The following GPR179 variants were observed in gnomAD, a reference collection of about 807,000 sequenced individuals.
The protein encoded by GPR179 is probable G protein-coupled receptor 179.
A neutral mutation model predicts 70.8 loss-of-function variants in GPR179; 52 were observed. That is an observed-to-expected ratio of 0.73 (90% CI 0.59 to 0.93). GPR179 has a LOEUF of 0.93. GPR179 is among the 40% of genes least tolerant of loss of function. The pLI, the probability that GPR179 is intolerant of heterozygous loss-of-function variation, is 0.00. For missense variants in GPR179, 2,734 were observed against 2,966.8 expected, an observed-to-expected ratio of 0.92 and a Z score of 1.82; for synonymous variants, 1,123 against 1,169.0, an observed-to-expected ratio of 0.96 and a Z score of 0.80.
intron 1 of GPR179, among the ~76,000 whole-genome samples, chr17:38,341,696 C>A (rs371207360): frequency 1.3e-5 from 2 of 152,306 alleles, no homozygotes; most frequent in South Asian, 4.1e-4. Context: ...AGGTAGTTTA[C>A]TGGAGGAGAA....
At chr17:38,335,925 C>A in intron 5 of GPR179, 151 bp downstream of exon 5, 1 of 737,026 alleles carries the variant, frequency 1.4e-6, no homozygotes, top group South Asian at 1.5e-5. Flanking sequence ...AGCTCATAGA[C>A]CAGCTTGCCA....
Position 38,339,530 on chromosome 17 carries a change from G to A in GPR179, c.795-5C>T, listed in dbSNP as rs762263657. On this transcript the variant is annotated splice_region_variant and splice_polypyrimidine_tract_variant and intron_variant, in intron 1 of 10. Coordinates refer to ENST00000616987, the MANE Select transcript of GPR179 (RefSeq NM_001004334.4). ...ACGTCCATCTGCACCTGCCCCCTAC[G>A]GCAGTGAATTGGCAATTAGGGGCAC... is the stretch of plus-strand genomic sequence containing the variant. 6.0e-5 allele frequency: 96 copies of A among 1,608,728 alleles called. No homozygotes were observed. In the South Asian group the frequency reaches 8.8e-4, roughly 15 times the overall value.
At position 38,328,300 on chromosome 17, in the gene GPR179, CTG is replaced by C. The variant is rs1567722514; in HGVS notation, c.5267_5268del (p.Pro1756ArgfsTer26). On this transcript the variant is annotated frameshift_variant, in exon 11 of 11. Coordinates refer to ENST00000616987, the MANE Select transcript of GPR179 (RefSeq NM_001004334.4). LOFTEE classifies it low-confidence loss of function (END_TRUNC). ...CCCCAGGGACAAGCCACCTCCCACTCTGGGGTTGGCTTCTGTGGCTTCTCTGG... is the reference window on the plus strand; with the variant it reads ...CCCCAGGGACAAGCCACCTCCCACTCGGGTTGGCTTCTGTGGCTTCTCTGG... ...TAPEKPQKPTPEWEVACPWGS... is the reference protein window; with the variant it reads ...TAPEKPQKPTXEWEVACPWGS... 1.2e-6 allele frequency: 2 copies of C among 1,614,060 alleles called. No individual in the cohort carries two copies. Among genetic ancestry groups the C allele is most frequent in the Admixed American group, 3.3e-5 (2 of 60,022 alleles).
Position 38,330,585 on chromosome 17 carries a change from CA to C in GPR179, c.2983del (p.Trp995GlyfsTer43). ...SPNLLTYICP[W>X]ENAELPAKQE... The stretch of plus-strand genomic sequence containing the variant: ...CTTGGCTGGCAGTTCTGCGTTCTCC[CA>C]GGGGCAGATGTAGGTGAGTAAGTTG... On this transcript the variant is annotated frameshift_variant, in exon 11 of 11. Transcript: ENST00000616987. LOFTEE classifies it low-confidence loss of function (END_TRUNC). The C allele has an allele frequency of 6.3e-7, 1 of 1,581,214 alleles. No homozygotes were observed. The highest frequency in any genetic ancestry group is 8.6e-7 in the Non-Finnish European group (1 of 1,165,306).
In GPR179 at chr17:38,327,510, G is replaced by C. The variant is rs1310806138; in HGVS notation, c.6059C>G (p.Pro2020Arg). The change falls in exon 11 of 11, where the codon CCC becomes CGC. Residue 2020 changes from proline (P) to arginine (R), a missense_variant. Physicochemically the swap from Pro to Arg is moderately radical, Grantham distance 103 (BLOSUM62 -2). Transcript: ENST00000616987. ...SDSSAKAETC[P>R]WEVTERIPVK... ...AGGGATTCTTTCAGTCACTTCCCAG[G>C]GACAGGTCTCAGCCTTGGCACTGCT... The C allele has an allele frequency of 6.2e-7, 1 of 1,614,158 alleles. No homozygotes were observed. The highest frequency in any genetic ancestry group is 8.5e-7 in the Non-Finnish European group (1 of 1,180,032).
In GPR179 at chr17:38,336,160, A is replaced by C; in HGVS notation, c.1228-16T>G. The C allele has an allele frequency of 6.3e-7, 1 of 1,587,012 alleles. No individual in the cohort carries two copies. Among genetic ancestry groups the C allele is most frequent in the Non-Finnish European group, 8.7e-7 (1 of 1,155,240 alleles). The stretch of plus-strand genomic sequence containing the variant: ...CCCAGATCCTCTGTGAAGCAAGGAG[A>C]GAGGCATGTGAGCAGAGTCTGGACG... On this transcript the variant is annotated splice_polypyrimidine_tract_variant and intron_variant, in intron 4 of 10. Coordinates refer to ENST00000616987, the MANE Select transcript of GPR179 (RefSeq NM_001004334.4).
chr17:38,343,584 T>C lies in GPR179; in HGVS notation c.206A>G (p.Gln69Arg). 1 of 1,613,832 alleles carries C rather than the reference T, an allele frequency of 6.2e-7. No individual in the cohort carries two copies. Among genetic ancestry groups the C allele is most frequent in the Non-Finnish European group, 8.5e-7 (1 of 1,180,008 alleles). The stretch of plus-strand genomic sequence containing the variant: ...ACTGCAATTCACCTGTGATAGCTGC[T>C]GGGCATCTCCAGAGTAGAGATAAGC... ...ALAYLYSGDA[Q>R]QLSQVNCSER... is the part of the protein sequence containing the mutation. Residue 69 changes from glutamine to arginine, a missense_variant, in exon 1 of 11, where the codon CAG (glutamine) becomes CGG (arginine). Coordinates refer to ENST00000616987, the MANE Select transcript of GPR179 (RefSeq NM_001004334.4). The surrounding 1 kb of genome is among the most constrained non-coding windows in gnomAD (Gnocchi z 4.2).
chr17:38,335,199 G>A lies in GPR179; in HGVS notation c.1479C>T (p.His493=), dbSNP rs1279209089. 6.4e-7 allele frequency: 1 copy of A among 1,562,824 alleles called. No individual in the cohort carries two copies. The highest frequency in any genetic ancestry group is 1.9e-5 in the Admixed American group (1 of 51,880). Residue 493 remains histidine (H), a synonymous_variant, in exon 7 of 11, where the codon CAC becomes CAT. Coordinates refer to ENST00000616987, the MANE Select transcript of GPR179 (RefSeq NM_001004334.4). ...ALLSSGRLLR[H]LGLLLLPVLG... ...GCACAGGTAGCAGGAGCAGCCCCAG[G>A]TGCCGCAGCAGCCGCCCGCTGCTCA...
chr17:38,329,811 G>A lies in GPR179; in HGVS notation c.3758C>T (p.Thr1253Met), dbSNP rs781377071. 29 of 1,614,010 alleles carry A rather than the reference G, an allele frequency of 1.8e-5. No individual in the cohort carries two copies. The Admixed American group carries it at 1.8e-4, about 10-fold the overall frequency. ...VCPWEVTESE[T>M]RQPDSGNKAE... ...CTTGTTGCCACTGTCTGGCTGACGC[G>A]TTTCTGATTCAGTGACCTCCCAGGG... Residue 1253 changes from threonine to methionine, a missense_variant, in exon 11 of 11, where the codon ACG becomes ATG. Physicochemically the swap from Thr to Met is moderately conservative, Grantham distance 81. Coordinates refer to ENST00000616987, the MANE Select transcript of GPR179 (RefSeq NM_001004334.4).
rs768094184 is a variant in GPR179, at chr17:38,327,868, C to T, written c.5701G>A (p.Glu1901Lys). 2.5e-6 allele frequency: 4 copies of T among 1,614,228 alleles called. No individual in the cohort carries two copies. In the South Asian group the frequency reaches 4.4e-5, roughly 18 times the overall value. The change falls in exon 11 of 11, where the codon GAA becomes AAA. Residue 1901 changes from glutamate to lysine, a missense_variant. Coordinates refer to ENST00000616987, the MANE Select transcript of GPR179 (RefSeq NM_001004334.4). ...TCCAAGGAATGTCCCTCTGCCACTTCACTACTCATGCTGCTGGGCAAGTCT... is the reference window on the plus strand; with the variant it reads ...TCCAAGGAATGTCCCTCTGCCACTTTACTACTCATGCTGCTGGGCAAGTCT... The part of the protein sequence containing the change: ...ISDLPSSMSS[E>K]VAEGHSLEAT...
Position 38,331,194 on chromosome 17 carries a change from C to T in GPR179, c.2375G>A (p.Arg792Lys), listed in dbSNP as rs781327281. Reference protein sequence around the residue: ...DPPLLDSLLRRKLAKKASRTE... With the variant: ...DPPLLDSLLRKKLAKKASRTE... Reference sequence around the variant, plus strand: ...TCGAGAGGCCTTCTTGGCCAGCTTCCTCCTCAGCAGTGAGTCAAGAAGAGG... The same window carrying T: ...TCGAGAGGCCTTCTTGGCCAGCTTCTTCCTCAGCAGTGAGTCAAGAAGAGG... The change falls in exon 11 of 11, where the codon AGG becomes AAG. Residue 792 changes from arginine (R) to lysine (K), a missense_variant. By Grantham distance (26) the Arg-to-Lys change is conservative (BLOSUM62 2). Coordinates refer to ENST00000616987, the MANE Select transcript of GPR179 (RefSeq NM_001004334.4). 3.7e-6 allele frequency: 6 copies of T among 1,608,180 alleles called. No homozygotes were observed. Among genetic ancestry groups the T allele is most frequent in the Non-Finnish European group, 5.1e-6 (6 of 1,178,644 alleles).
rs371888538 is a variant in GPR179 at position 38,336,139 on chromosome 17, G to A, written c.1233C>T (p.Ile411=). Residue 411 remains isoleucine (I), a synonymous_variant, in exon 5 of 11, where the codon ATC becomes ATT. Coordinates refer to ENST00000616987, the MANE Select transcript of GPR179 (RefSeq NM_001004334.4). The part of the protein sequence containing the change: ...VSYRCRRNKR[I]WASGVVLLET... ...CCAGCAGGACCACTCCAGATGCCCA[G>A]ATCCTCTGTGAAGCAAGGAGAGAGG... is the stretch of plus-strand genomic sequence containing the variant. The A allele has an allele frequency of 3.3e-5, 53 of 1,609,566 alleles. No individual in the cohort carries two copies. The highest frequency in any genetic ancestry group is 6.0e-6 in the Non-Finnish European group (7 of 1,175,894).
At chr17:38,333,137 C>T in intron 10 of GPR179, 114 bp downstream of exon 10, 1 of 918,136 alleles carries the variant, frequency 1.1e-6, no homozygotes, top group Non-Finnish European at 1.7e-6. Flanking sequence ...GAGGGCAGGT[C>T]TTGGAGGGAA....
At chr17:38,331,926 T>C (rs115339278) in intron 10 of GPR179, among the ~76,000 whole-genome samples, 1,588 of 152,276 alleles carry the variant, frequency 0.01, 22 homozygotes, top group African/African-American at 0.036. Flanking sequence ...AAGAGCATTA[T>C]ATGAGATTGA....
Position 38,329,658 on chromosome 17 carries a change from G to A in GPR179, c.3911C>T (p.Pro1304Leu), listed in dbSNP as rs751212036. The change falls in exon 11 of 11, where the codon CCC becomes CTC. Residue 1304 changes from proline to leucine, a missense_variant. Physicochemically the swap from Pro to Leu is moderately conservative, Grantham distance 98. Transcript: ENST00000616987. ...RGKSEPIDVV[P>L]MMRKKPERLV... ...CCTCTCTGGCTTTTTCCGCATCATG[G>A]GAACCACATCTATGGGCTCTGATTT... 28 of 1,614,162 alleles carry A rather than the reference G, an allele frequency of 1.7e-5. No homozygotes were observed. The highest frequency in any genetic ancestry group is 2.2e-5 in the Non-Finnish European group (26 of 1,180,048).
At position 38,329,718 on chromosome 17, in the gene GPR179, C is replaced by G; in HGVS notation, c.3851G>C (p.Gly1284Ala). The G allele has an allele frequency of 6.2e-7, 1 of 1,614,182 alleles. No individual in the cohort carries two copies. Among genetic ancestry groups the G allele is most frequent in the Non-Finnish European group, 8.5e-7 (1 of 1,180,026 alleles). The change falls in exon 11 of 11, where the codon GGT becomes GCT. Residue 1284 changes from glycine (G) to alanine (A), a missense_variant. Physicochemically the swap from Gly to Ala is moderately conservative, Grantham distance 60. Transcript: ENST00000616987. ...CTCCCCTCTCTTTTTTTGGGAGTCA[C>G]CTGGGTCTTGTCTTAGTGCCCTCGA... is the stretch of plus-strand genomic sequence containing the variant. Reference protein sequence around the residue: ...PESRALRQDPGDSQKKRGEAR... With the variant: ...PESRALRQDPADSQKKRGEAR...
Position 38,331,187 on chromosome 17 carries a change from C to A in GPR179, c.2382G>T (p.Leu794=). The A allele has an allele frequency of 6.2e-7, 1 of 1,608,494 alleles. No homozygotes were observed. The highest frequency in any genetic ancestry group is 8.5e-7 in the Non-Finnish European group (1 of 1,178,914). ...PLLDSLLRRK[L]AKKASRTESR... is the part of the protein sequence containing the mutation. ...TCTCTGTTCGAGAGGCCTTCTTGGC[C>A]AGCTTCCTCCTCAGCAGTGAGTCAA... The change falls in exon 11 of 11, where the codon CTG becomes CTT. Residue 794 remains leucine, a synonymous_variant. Transcript: ENST00000616987.
Position 38,328,860 on chromosome 17 carries a change from G to T in GPR179, c.4709C>A (p.Thr1570Lys). The T allele has an allele frequency of 6.2e-7, 1 of 1,613,406 alleles. No individual in the cohort carries two copies. The highest frequency in any genetic ancestry group is 8.5e-7 in the Non-Finnish European group (1 of 1,179,870). The change falls in exon 11 of 11, where the codon ACG (threonine) becomes AAG (lysine). Residue 1570 changes from threonine (T) to lysine (K), a missense_variant. Thr to Lys is a moderately conservative substitution (Grantham distance 78). Coordinates refer to ENST00000616987, the MANE Select transcript of GPR179 (RefSeq NM_001004334.4). ...GAGATCTTCCTGTGGACACACCTGC[G>T]TTGCTCTGCTTCCTCCATTGCATAG... ...QFLCNGGSRA[T>K]QVCPQEDLRP...
intron 1 of GPR179, among the ~76,000 whole-genome samples, chr17:38,341,849 G>A (rs1256828283): frequency 1.3e-5 from 2 of 152,148 alleles, no homozygotes; most frequent in African/African-American, 4.8e-5. Context: ...TGGGTGTGGT[G>A]GCTCACACCT....
Sources: allele counts gnomAD v4.1 joint callset (sites outside exome capture counted in the v4.1 genomes callset), GRCh38; gene constraint gnomAD v4.1.1; non-coding constraint Gnocchi (gnomAD v3.1); transcripts MANE v1.5; gene names NCBI Gene and HGNC (gene_info 2026-07-23, HGNC 2026-07-21).